PCDH7: variants seen among roughly 807,000 people sequenced by gnomAD.
The protein encoded by PCDH7 is protocadherin-7.
PCDH7 carries 17 observed loss-of-function variants against 58.9 expected under a neutral mutation model. That is an observed-to-expected ratio of 0.29 (90% confidence interval 0.20 to 0.43). The LOEUF (loss-of-function observed/expected upper bound fraction) is 0.43. Ranked by LOEUF, PCDH7 falls within the 20% of genes least tolerant of loss-of-function variation. The probability of loss-of-function intolerance (pLI) is 1.00; values close to 1 mark genes in which losing one functional copy is unlikely to be tolerated. For synonymous variants in PCDH7, 664 were observed against 616.4 expected (o/e 1.08, Z -1.14); for missense variants, 1,274 against 1,441.0 (o/e 0.88, Z 1.88).
At chr4:30,930,014 G>T (rs1744367205) in intron 2 of PCDH7, among the ~76,000 whole-genome samples, 1 of 152,152 alleles carries the variant, frequency 6.6e-6, no homozygotes, top group African/African-American at 2.4e-5. Flanking sequence ...AATTTTTATG[G>T]ACTCAAAGGT....
intron 3 of PCDH7, among the ~76,000 whole-genome samples, chr4:31,098,902 C>T (rs1436556600): frequency 6.6e-6 from 1 of 152,178 alleles, no homozygotes; most frequent in Non-Finnish European, 1.5e-5. Flanking sequence ...CAAGGCCTCT[C>T]TTCTTGGCTA....
intron 1 of PCDH7, among the ~76,000 whole-genome samples, chr4:30,819,511 T>C (rs985572911): frequency 2.0e-5 from 3 of 152,112 alleles, no homozygotes; most frequent in African/African-American, 7.2e-5. Context: ...TGGGGGAAAT[T>C]GAATAGATAA....
At chr4:31,112,764 T>C (rs1211748182) in intron 3 of PCDH7, among the ~76,000 whole-genome samples, 1 of 152,198 alleles carries the variant, frequency 6.6e-6, no homozygotes, top group African/African-American at 2.4e-5. Context: ...TATCTTGAAA[T>C]AAACTGACCT....
intron 3 of PCDH7, among the ~76,000 whole-genome samples, chr4:31,055,626 G>T (rs1248278389): frequency 6.6e-6 from 1 of 151,924 alleles, no homozygotes; most frequent in Non-Finnish European, 1.5e-5. Context: ...GCCCAGGCTG[G>T]AGTGCAGTGG....
chr4:30,889,020 C>G (rs1738225930), intron 1 of PCDH7, among the ~76,000 whole-genome samples: 1 of 150,450 alleles, frequency 6.6e-6, no homozygotes, highest in Non-Finnish European at 1.5e-5. Flanking sequence ...ATCCCTACAA[C>G]AAATTAAAAA....
intron 3 of PCDH7, chr4:30,950,350 TTA>T: frequency 6.6e-6 from 1 of 152,410 alleles, no homozygotes; most frequent in African/African-American, 2.4e-5. Context: ...CAACTTGAGT[TTA>T]TATGTTTCAC....
At chr4:31,006,902 A>G (rs4692498) in intron 3 of PCDH7, among the ~76,000 whole-genome samples, 46,888 of 147,100 alleles carry the variant, frequency 0.32, 7,627 homozygotes, top group East Asian at 0.41. Flanking sequence ...CAAAAAAAAA[A>G]AAAAAGAAAA....
At chr4:30,974,429 A>G (rs1341610050) in intron 3 of PCDH7, among the ~76,000 whole-genome samples, 1 of 151,922 alleles carries the variant, frequency 6.6e-6, no homozygotes, top group Non-Finnish European at 1.5e-5. Context: ...TTATTTCATA[A>G]TCAAATGCCA....
chr4:30,945,367 A>AT (rs1049463005), intron 2 of PCDH7, among the ~76,000 whole-genome samples: 14 of 152,124 alleles, frequency 9.2e-5, no homozygotes, highest in Non-Finnish European at 2.9e-5. Context: ...ATTGCTTATT[A>AT]AAGCTGGTAA....
chr4:30,916,564 G>C (rs1578277454), intron 1 of PCDH7, among the ~76,000 whole-genome samples: 2 of 152,106 alleles, frequency 1.3e-5, no homozygotes, highest in African/African-American at 4.8e-5. Flanking sequence ...TCTTCTATTA[G>C]ATAGACCAAT....
chr4:30,725,521 T>C (rs56916133), intron 1 of PCDH7, among the ~76,000 whole-genome samples: 1,916 of 152,250 alleles, frequency 0.013, 33 homozygotes, highest in African/African-American at 0.044. Context: ...AAATCTGAAA[T>C]TTATTTTTGA....
At chr4:30,952,778 T>C (rs568575966) in intron 3 of PCDH7, among the ~76,000 whole-genome samples, 1 of 152,242 alleles carries the variant, frequency 6.6e-6, no homozygotes, top group East Asian at 1.9e-4. Context: ...AACAGTTTTT[T>C]TGAGAGCAAG....
chr4:30,738,018 T>G (rs902536900), intron 1 of PCDH7, among the ~76,000 whole-genome samples: 9 of 152,112 alleles, frequency 5.9e-5, no homozygotes, highest in Non-Finnish European at 1.2e-4. Context: ...TGCCTTCTCT[T>G]TGCATCCTCA....
intron 3 of PCDH7, among the ~76,000 whole-genome samples, chr4:31,094,740 T>C (rs899264004): frequency 1.3e-5 from 2 of 152,102 alleles, no homozygotes; most frequent in African/African-American, 2.4e-5. Context: ...AATTGTACAG[T>C]TTAGCTGAAG....
chr4:31,074,150 G>A (rs563480166), intron 3 of PCDH7, among the ~76,000 whole-genome samples: 14 of 151,452 alleles, frequency 9.2e-5, no homozygotes, highest in South Asian at 4.2e-4. Flanking sequence ...CAAAACCCCC[G>A]TCACATTCAA....
chr4:31,099,602 C>T (rs942333811), intron 3 of PCDH7, among the ~76,000 whole-genome samples: 6 of 152,114 alleles, frequency 3.9e-5, no homozygotes, highest in African/African-American at 4.8e-5. Flanking sequence ...TCAGGCACTG[C>T]GATGCATTAT....
intron 3 of PCDH7, among the ~76,000 whole-genome samples, chr4:31,056,607 G>A (rs1343189612): frequency 1.3e-5 from 2 of 149,772 alleles, no homozygotes; most frequent in Non-Finnish European, 3.0e-5. Flanking sequence ...GGAAAGGAGA[G>A]AGAGAGAGTG....
intron 3 of PCDH7, among the ~76,000 whole-genome samples, chr4:31,046,084 T>C (rs1756260705): frequency 6.6e-6 from 1 of 152,000 alleles, no homozygotes; most frequent in Non-Finnish European, 1.5e-5. Context: ...CCCCTGTCCA[T>C]TGTTGTAGAC....
intron 1 of PCDH7, among the ~76,000 whole-genome samples, chr4:30,892,159 G>T (rs1738698069): frequency 4.6e-5 from 7 of 151,964 alleles, no homozygotes. Flanking sequence ...TTTCAGTAAT[G>T]TAAGTTATTT....
Sources: allele counts gnomAD v4.1 joint callset (sites outside exome capture counted in the v4.1 genomes callset), GRCh38; gene constraint gnomAD v4.1.1; transcripts MANE v1.5; gene names NCBI Gene and HGNC (gene_info 2026-07-23, HGNC 2026-07-21).